CCSER1: variants seen among roughly 807,000 people sequenced by gnomAD.
The protein encoded by CCSER1 is coiled-coil serine rich protein 1.
CCSER1 carries 41 observed loss-of-function variants against 82.0 expected under a neutral mutation model. That is an observed-to-expected ratio of 0.50 (90% CI 0.39 to 0.65). The LOEUF is 0.65. CCSER1 is among the 30% of genes least tolerant of loss of function. CCSER1 has a pLI of 0.00. For synonymous variants in CCSER1, 414 were observed against 383.9 expected (o/e 1.08, Z -0.92); for missense variants, 1,119 against 1,064.2 (o/e 1.05, Z -0.72).
intron 10 of CCSER1, among the ~76,000 whole-genome samples, chr4:91,096,200 G>A (rs547405629): frequency 6.6e-6 from 1 of 152,110 alleles, no homozygotes; most frequent in African/African-American, 2.4e-5. Flanking sequence ...TCCAGTATTG[G>A]GCCGTAAATG....
intron 7 of CCSER1, among the ~76,000 whole-genome samples, chr4:90,749,457 G>A (rs2149476650): frequency 6.6e-6 from 1 of 152,080 alleles, no homozygotes; most frequent in East Asian, 1.9e-4. Context: ...AGTATAGTCT[G>A]AAGTCAGGTA....
intron 10 of CCSER1, among the ~76,000 whole-genome samples, chr4:91,133,293 G>C (rs945662461): frequency 6.6e-6 from 1 of 151,670 alleles, no homozygotes; most frequent in Non-Finnish European, 1.5e-5. Context: ...CTTTGAAGTA[G>C]GGTCTGGCGA....
chr4:90,166,296 C>G (rs1040778671), intron 1 of CCSER1, among the ~76,000 whole-genome samples: 16 of 151,862 alleles, frequency 1.1e-4, no homozygotes, highest in Non-Finnish European at 4.4e-5. Flanking sequence ...AAATGCATTT[C>G]CAACTTAGAT....
Position 91,599,905 on chromosome 4 carries a change from T to C in CCSER1, c.*848T>C, listed in dbSNP as rs1306983552. On this transcript the variant is annotated 3_prime_UTR_variant, in exon 11 of 11. Transcript: ENST00000509176. ...TGGCAATATAAACATTTTTTCAAAATTTCAAGGATGAAACATCCTAAGAAA... is the reference window on the plus strand; with the variant it reads ...TGGCAATATAAACATTTTTTCAAAACTTCAAGGATGAAACATCCTAAGAAA... 1 of 152,186 alleles carries C rather than the reference T, an allele frequency of 6.6e-6. No homozygotes were observed. The highest frequency in any genetic ancestry group is 1.5e-5 in the Non-Finnish European group (1 of 68,016). 9.4% of individuals were successfully genotyped at this position (152,186 alleles called of 1,614,324 possible). A position where few individuals can be genotyped will look rare whatever the true frequency, so the allele number is the denominator to read the frequency against.
intron 5 of CCSER1, among the ~76,000 whole-genome samples, chr4:90,506,316 C>G (rs141442676): frequency 3.3e-5 from 5 of 152,076 alleles, no homozygotes; most frequent in Admixed American, 6.6e-5. Context: ...TTTTTCATGT[C>G]ATGAGCAAAA....
At chr4:90,604,520 T>C (rs1784387250) in intron 5 of CCSER1, among the ~76,000 whole-genome samples, 1 of 152,222 alleles carries the variant, frequency 6.6e-6, no homozygotes, top group African/African-American at 2.4e-5. Flanking sequence ...TTAGAGATAA[T>C]ATATGCAATG....
chr4:90,640,490 A>G (rs1726295006), intron 6 of CCSER1, among the ~76,000 whole-genome samples: 1 of 152,138 alleles, frequency 6.6e-6, no homozygotes. Context: ...TATTATTTAT[A>G]TTACTTAATG....
chr4:90,353,496 G>A (rs1255360426), intron 3 of CCSER1, among the ~76,000 whole-genome samples: 20 of 152,132 alleles, frequency 1.3e-4, no homozygotes, highest in Admixed American at 1.3e-3. Flanking sequence ...GAAAATGATG[G>A]AAGAGGCAAA....
intron 4 of CCSER1, 26 bp downstream of exon 4, chr4:90,400,155 T>C (rs375804426): frequency 3.1e-6 from 4 of 1,271,614 alleles, no homozygotes; most frequent in Non-Finnish European, 3.4e-6. Flanking sequence ...ATGAATAATA[T>C]CATACAACTC....
At chr4:90,459,285 G>T (rs1762578439) in intron 4 of CCSER1, among the ~76,000 whole-genome samples, 2 of 152,162 alleles carry the variant, frequency 1.3e-5, no homozygotes, top group African/African-American at 4.8e-5. Flanking sequence ...GAGATATTTG[G>T]AATGGGAGAG....
At chr4:90,845,736 A>G (rs1011345893) in intron 8 of CCSER1, among the ~76,000 whole-genome samples, 19 of 150,852 alleles carry the variant, frequency 1.3e-4, no homozygotes, top group Non-Finnish European at 2.5e-4. Context: ...CCTGAACAAC[A>G]AAAGTATATT....
chr4:90,795,893 T>A (rs1350389376), intron 7 of CCSER1, among the ~76,000 whole-genome samples: 1 of 152,228 alleles, frequency 6.6e-6, no homozygotes, highest in African/African-American at 2.4e-5. Context: ...TGGATTTGTT[T>A]TGCCAGTATT....
chr4:91,132,674 G>A (rs887916134), intron 10 of CCSER1, among the ~76,000 whole-genome samples: 1 of 151,988 alleles, frequency 6.6e-6, no homozygotes, highest in Non-Finnish European at 1.5e-5. Context: ...TCTTCCCTTG[G>A]GTTAACTACT....
chr4:91,134,847 G>T (rs1236291184), intron 10 of CCSER1, among the ~76,000 whole-genome samples: 1 of 152,114 alleles, frequency 6.6e-6, no homozygotes, highest in East Asian at 1.9e-4. Flanking sequence ...AGACCACAAG[G>T]TCAAGAGATT....
At chr4:90,989,866 A>G (rs764710307) in intron 9 of CCSER1, among the ~76,000 whole-genome samples, 10 of 151,802 alleles carry the variant, frequency 6.6e-5, no homozygotes, top group Non-Finnish European at 1.0e-4. Context: ...AGAAAGGAAG[A>G]GAGGAAGAGA....
intron 10 of CCSER1, among the ~76,000 whole-genome samples, chr4:91,297,409 G>GTA (rs912548693): frequency 6.6e-6 from 1 of 150,744 alleles, no homozygotes; most frequent in African/African-American, 2.4e-5. Flanking sequence ...GTGTGTGTGT[G>GTA]TGTGTGTGTG....
At chr4:91,177,179 A>C (rs930994059) in intron 10 of CCSER1, among the ~76,000 whole-genome samples, 1 of 152,150 alleles carries the variant, frequency 6.6e-6, no homozygotes. Flanking sequence ...CAACTTGATC[A>C]TGGTGGATAA....
intron 8 of CCSER1, among the ~76,000 whole-genome samples, chr4:90,858,931 A>C (rs1465354024): frequency 6.6e-6 from 1 of 151,958 alleles, no homozygotes; most frequent in Non-Finnish European, 1.5e-5. Context: ...AGACAAATAC[A>C]TATGGCTCTT....
At chr4:90,987,239 G>A (rs532178871) in intron 9 of CCSER1, among the ~76,000 whole-genome samples, 15 of 150,910 alleles carry the variant, frequency 9.9e-5, no homozygotes, top group East Asian at 9.8e-4. Flanking sequence ...GTTTCATTTC[G>A]TATCTAGTAT....
Sources: gnomAD v4.1 joint callset for allele counts (sites outside exome capture counted in the v4.1 genomes callset) on GRCh38, gnomAD v4.1.1 for gene constraint, MANE v1.5 for transcripts, NCBI Gene and HGNC (gene_info 2026-07-23, HGNC 2026-07-21) for gene names.